DIAPH3: variants seen among roughly 807,000 people sequenced by gnomAD.
DIAPH3 encodes diaphanous related formin 3, also known as protein diaphanous homolog 3.
Under a neutral mutation model 144.3 loss-of-function variants are expected in DIAPH3, and 117 were observed. That is an observed-to-expected ratio of 0.81 (90% CI 0.70 to 0.95). DIAPH3 has a LOEUF of 0.95. Ranked by LOEUF, DIAPH3 falls within the 40% of genes least tolerant of loss-of-function variation. The pLI, the probability that DIAPH3 is intolerant of heterozygous loss-of-function variation, is 0.00. For synonymous variants in DIAPH3, 519 were observed against 488.9 expected, an observed-to-expected ratio of 1.06 and a Z score of -0.81; for missense variants, 1,421 against 1,412.7, an observed-to-expected ratio of 1.01 and a Z score of -0.09.
chr13:59,791,381 G>A (rs551412611), intron 25 of DIAPH3, among the ~76,000 whole-genome samples: 2 of 152,260 alleles, frequency 1.3e-5, no homozygotes, highest in East Asian at 3.9e-4. Flanking sequence ...CTATGTGCTA[G>A]AGTCTGTATG....
Position 59,970,875 on chromosome 13 carries a change from T to A in DIAPH3, c.1936A>T (p.Met646Leu). The A allele has an allele frequency of 6.2e-7, 1 of 1,613,302 alleles. No individual in the cohort carries two copies. Among genetic ancestry groups the A allele is most frequent in the Non-Finnish European group, 8.5e-7 (1 of 1,179,864 alleles). ...PKKEFKPEISMRRLNWLKIRP... is the reference protein window; with the variant it reads ...PKKEFKPEISLRRLNWLKIRP... ...ACCTTTAACCAATTCAATCTTCTCA[T>A]GCTGATTTCAGGTTTAAATTCTTTC... Residue 646 changes from methionine (M) to leucine (L), a missense_variant, in exon 16 of 28, where the codon ATG becomes TTG. Physicochemically the swap from Met to Leu is conservative, Grantham distance 15. Transcript: ENST00000400324.
intron 25 of DIAPH3, among the ~76,000 whole-genome samples, chr13:59,778,893 A>G (rs2038570461): frequency 2.0e-5 from 3 of 152,212 alleles, no homozygotes; most frequent in Non-Finnish European, 1.5e-5. Flanking sequence ...CAGTTCTTAC[A>G]ATATAAAGTT....
At chr13:59,820,483 C>T (rs1317183873) in intron 24 of DIAPH3, among the ~76,000 whole-genome samples, 1 of 151,866 alleles carries the variant, frequency 6.6e-6, no homozygotes, top group African/African-American at 2.4e-5. Context: ...GTTAGCTTTC[C>T]TGTGTTTTCT....
intron 27 of DIAPH3, among the ~76,000 whole-genome samples, chr13:59,769,226 T>C (rs1593801096): frequency 6.6e-6 from 1 of 152,140 alleles, no homozygotes; most frequent in East Asian, 1.9e-4. Flanking sequence ...AATTAATGTA[T>C]CCTGAAAAAC....
chr13:59,798,078 G>A (rs1392348533), intron 25 of DIAPH3, among the ~76,000 whole-genome samples: 1 of 152,030 alleles, frequency 6.6e-6, no homozygotes, highest in African/African-American at 2.4e-5. Context: ...TATTCTCCCT[G>A]TCTCCCCACA....
At chr13:59,714,005 T>C (rs1402778709) in intron 27 of DIAPH3, among the ~76,000 whole-genome samples, 3 of 151,990 alleles carry the variant, frequency 2.0e-5, no homozygotes, top group South Asian at 2.1e-4. Flanking sequence ...CCCTTGATGA[T>C]AGGAGTTAGA....
intron 1 of DIAPH3, among the ~76,000 whole-genome samples, chr13:60,155,331 C>T (rs997435806): frequency 6.6e-6 from 1 of 152,112 alleles, no homozygotes; most frequent in Non-Finnish European, 1.5e-5. Context: ...CCCCTTTTTA[C>T]CGTCAAAGAA....
intron 12 of DIAPH3, among the ~76,000 whole-genome samples, chr13:59,989,729 TTG>T (rs2051682984): frequency 6.6e-6 from 1 of 151,946 alleles, no homozygotes; most frequent in South Asian, 2.1e-4. Context: ...CCCAAAACAG[TTG>T]TGTTTTTTAA....
chr13:59,785,873 A>G (rs1044155121), intron 25 of DIAPH3, among the ~76,000 whole-genome samples: 10 of 152,200 alleles, frequency 6.6e-5, no homozygotes, highest in African/African-American at 2.2e-4. Context: ...TCCTATCTTA[A>G]ATATGGCCTG....
At chr13:59,905,216 G>T (rs2046660837) in intron 20 of DIAPH3, among the ~76,000 whole-genome samples, 1 of 151,506 alleles carries the variant, frequency 6.6e-6, no homozygotes, top group African/African-American at 2.4e-5. Context: ...GGTGGCGGGC[G>T]CCTATAGTCC....
chr13:59,803,217 T>C (rs1476712707), intron 25 of DIAPH3, among the ~76,000 whole-genome samples: 1 of 152,124 alleles, frequency 6.6e-6, no homozygotes, highest in Admixed American at 6.6e-5. Context: ...AAAGAACTGA[T>C]TGGTATGATT....
At chr13:59,946,655 T>TG (rs1369801841) in intron 17 of DIAPH3, among the ~76,000 whole-genome samples, 7 of 152,316 alleles carry the variant, frequency 4.6e-5, no homozygotes, top group South Asian at 2.1e-4. Context: ...TGATGAGTAC[T>TG]GGCCCATGCT....
chr13:59,769,518 C>T (rs533878983), intron 27 of DIAPH3, among the ~76,000 whole-genome samples: 1 of 152,128 alleles, frequency 6.6e-6, no homozygotes, highest in Admixed American at 6.6e-5. Context: ...GTGGGGGTGT[C>T]TTAACCTAGA....
intron 5 of DIAPH3, among the ~76,000 whole-genome samples, chr13:60,038,045 T>G (rs565420897): frequency 1.4e-4 from 22 of 152,138 alleles, no homozygotes; most frequent in African/African-American, 5.1e-4. Context: ...TAGGAATATG[T>G]ATATACTAAA....
intron 20 of DIAPH3, among the ~76,000 whole-genome samples, chr13:59,890,428 G>A (rs1019448662): frequency 9.9e-5 from 15 of 152,050 alleles, no homozygotes; most frequent in African/African-American, 3.4e-4. Context: ...GCTGCTCACT[G>A]TCTGAAAACA....
intron 25 of DIAPH3, among the ~76,000 whole-genome samples, chr13:59,794,065 A>G (rs1046424864): frequency 1.3e-5 from 2 of 152,236 alleles, no homozygotes; most frequent in Non-Finnish European, 2.9e-5. Flanking sequence ...GAGATATTCA[A>G]TACTTGATTA....
chr13:60,069,091 ACT>A (rs1256569827), intron 4 of DIAPH3, among the ~76,000 whole-genome samples: 1 of 152,030 alleles, frequency 6.6e-6, no homozygotes, highest in Admixed American at 6.6e-5. Flanking sequence ...ACTAATTCAC[ACT>A]CTAACCAACA....
chr13:59,699,185 C>T (rs1395297944), intron 27 of DIAPH3, among the ~76,000 whole-genome samples: 1 of 152,182 alleles, frequency 6.6e-6, no homozygotes, highest in Non-Finnish European at 1.5e-5. Flanking sequence ...AAGGCAGTGT[C>T]AACATGCTGA....
At chr13:59,676,462 T>C (rs917869125) in intron 27 of DIAPH3, among the ~76,000 whole-genome samples, 1 of 152,224 alleles carries the variant, frequency 6.6e-6, no homozygotes, top group Non-Finnish European at 1.5e-5. Context: ...TTATATTCTC[T>C]CAATCTTTTC....
Sources: gnomAD v4.1 joint callset for allele counts (sites outside exome capture counted in the v4.1 genomes callset) on GRCh38, gnomAD v4.1.1 for gene constraint, MANE v1.5 for transcripts, NCBI Gene and HGNC (gene_info 2026-07-23, HGNC 2026-07-21) for gene names.